The following MYRFL variants were observed in gnomAD, a reference collection of about 807,000 sequenced individuals.
MYRFL encodes myelin regulatory factor like, also known as myelin regulatory factor-like protein.
In MYRFL, 88 loss-of-function variants were observed where a neutral mutation model predicts 109.4. The ratio of observed to expected loss-of-function variants is 0.80; its 90% CI spans 0.68 to 0.96. The LOEUF (loss-of-function observed/expected upper bound fraction) is 0.96. Ranked by LOEUF, MYRFL falls within the 40% of genes least tolerant of loss-of-function variation. The pLI is 0.00. For missense variants in MYRFL, 957 were observed against 954.9 expected, an observed-to-expected ratio of 1.00 and a Z score of -0.03; for synonymous variants, 324 against 320.9, an observed-to-expected ratio of 1.01 and a Z score of -0.10.
At chr12:69,910,428 G>A (rs1954523101) in intron 12 of MYRFL, among the ~76,000 whole-genome samples, 1 of 152,040 alleles carries the variant, frequency 6.6e-6, no homozygotes, top group Admixed American at 6.5e-5. Flanking sequence ...AGGTGGCAGG[G>A]TAAGTGGATC....
At chr12:69,905,966 G>A (rs1208103660) in intron 11 of MYRFL, among the ~76,000 whole-genome samples, 1 of 152,112 alleles carries the variant, frequency 6.6e-6, no homozygotes, top group Non-Finnish European at 1.5e-5. Flanking sequence ...ATACTCTGGG[G>A]ATCTGACCCT....
chr12:69,866,734 T>G (rs1048571841), intron 2 of MYRFL, among the ~76,000 whole-genome samples: 6 of 152,168 alleles, frequency 3.9e-5, no homozygotes, highest in African/African-American at 1.4e-4. Context: ...ATAGGCAGAT[T>G]TTCAGATCTT....
chr12:69,829,247 C>T (rs1882472163), intron 1 of MYRFL, among the ~76,000 whole-genome samples: 1 of 152,028 alleles, frequency 6.6e-6, no homozygotes, highest in African/African-American at 2.4e-5. Flanking sequence ...ATTTTCTGCC[C>T]CTGTCTCGCT....
intron 21 of MYRFL, among the ~76,000 whole-genome samples, chr12:69,954,856 T>C (rs1956059383): frequency 6.6e-6 from 1 of 152,250 alleles, no homozygotes; most frequent in Non-Finnish European, 1.5e-5. Context: ...TCTTCTCCAT[T>C]ACTAAATGGT....
chr12:69,832,335 C>G (rs761652549), intron 1 of MYRFL, among the ~76,000 whole-genome samples: 1 of 152,176 alleles, frequency 6.6e-6, no homozygotes, highest in Non-Finnish European at 1.5e-5. Flanking sequence ...GACTGTCTCT[C>G]ATGAGCCTGC....
At chr12:69,908,136 C>T (rs905892213) in intron 11 of MYRFL, among the ~76,000 whole-genome samples, 5 of 152,152 alleles carry the variant, frequency 3.3e-5, no homozygotes, top group African/African-American at 4.8e-5. Context: ...CTTTCCCTAA[C>T]GCTTTAAGTT....
chr12:69,926,276 A>G (rs1436457920), intron 13 of MYRFL, among the ~76,000 whole-genome samples: 1 of 152,018 alleles, frequency 6.6e-6, no homozygotes, highest in East Asian at 1.9e-4. Context: ...GCCATTGAAA[A>G]TAAATCTTTC....
At chr12:69,899,761 G>C (rs953991854) in intron 10 of MYRFL, among the ~76,000 whole-genome samples, 1 of 152,164 alleles carries the variant, frequency 6.6e-6, no homozygotes, top group Non-Finnish European at 1.5e-5. Context: ...CTTGGAGAGA[G>C]AATGGTGGGC....
chr12:69,927,098 C>G, intron 14 of MYRFL, among the ~76,000 whole-genome samples: 1 of 151,822 alleles, frequency 6.6e-6, no homozygotes, highest in Non-Finnish European at 1.5e-5. Context: ...GTGCCCGCCA[C>G]CATGCCCGGC....
chr12:69,888,670 A>G (rs1252268923), intron 6 of MYRFL, among the ~76,000 whole-genome samples: 1 of 152,194 alleles, frequency 6.6e-6, no homozygotes, highest in Non-Finnish European at 1.5e-5. Context: ...CCTAAATTTC[A>G]GCCTAACGCT....
chr12:69,936,017 G>A, intron 16 of MYRFL, 96 bp from the exon 17 acceptor site: 2 of 1,382,274 alleles, frequency 1.4e-6, no homozygotes, highest in Non-Finnish European at 1.9e-6. Flanking sequence ...TGGCCTGTGA[G>A]AGTACATCTC....
In MYRFL at chr12:69,897,141, C is replaced by A; in HGVS notation, c.1092-15C>A. The stretch of plus-strand genomic sequence containing the variant: ...TTCCTGATGCATTGGCATTGGTCTG[C>A]TGTCTCTGAATTAGATACTTCATGT... On this transcript the variant is annotated splice_polypyrimidine_tract_variant and intron_variant, in intron 9 of 24. Transcript: ENST00000552032. 1 of 1,522,072 alleles carries A rather than the reference C, an allele frequency of 6.6e-7. No homozygotes were observed. Among genetic ancestry groups the A allele is most frequent in the Non-Finnish European group, 8.8e-7 (1 of 1,134,318 alleles). The allele number at this position is 1,522,072 out of a possible 1,614,324, so 94.3% of individuals were successfully genotyped here. A position where few individuals can be genotyped will look rare whatever the true frequency, so the allele number is the denominator to read the frequency against.
intron 12 of MYRFL, 46 bp downstream of exon 12, chr12:69,910,123 A>C (rs1378194876): frequency 7.9e-7 from 1 of 1,259,614 alleles, no homozygotes; most frequent in Non-Finnish European, 1.1e-6. Context: ...CCAACTATTA[A>C]AATTTTAATT....
intron 1 of MYRFL, among the ~76,000 whole-genome samples, chr12:69,829,754 TA>T (rs913159129): frequency 1.3e-5 from 2 of 152,130 alleles, no homozygotes; most frequent in African/African-American, 2.4e-5. Flanking sequence ...TTAGCAGAGA[TA>T]AAATGATAAA....
Position 69,936,478 on chromosome 12 carries a change from A to G in MYRFL, c.2070A>G (p.Thr690=). The G allele has an allele frequency of 6.5e-7, 1 of 1,535,836 alleles. No individual in the cohort carries two copies. The highest frequency in any genetic ancestry group is 8.7e-7 in the Non-Finnish European group (1 of 1,146,790). Residue 690 remains threonine, a synonymous_variant, in exon 19 of 25, where the codon ACA becomes ACG. Coordinates refer to ENST00000552032, the MANE Select transcript of MYRFL (RefSeq NM_182530.3). ...CACCTAATACATCCCTGGTAACCAC[A>G]CCGGCCTCCTTACAAGTACCTGAAA... is the stretch of plus-strand genomic sequence containing the variant. ...SSAPNTSLVT[T]PASLQVPEIT...
At chr12:69,926,813 G>A (rs1276053862) in intron 14 of MYRFL, 79 bp downstream of exon 14, 1 of 1,222,850 alleles carries the variant, frequency 8.2e-7, no homozygotes, top group Non-Finnish European at 1.0e-6. Flanking sequence ...CAATCTAAAT[G>A]GTCTTTTTGA....
chr12:69,956,132 T>C (rs1381801675), intron 22 of MYRFL, among the ~76,000 whole-genome samples: 1 of 152,054 alleles, frequency 6.6e-6, no homozygotes, highest in African/African-American at 2.4e-5. Context: ...TTGGTTTTTT[T>C]TTCTTAGTTT....
chr12:69,938,490 G>T (rs1390909387), intron 19 of MYRFL, among the ~76,000 whole-genome samples: 1 of 152,132 alleles, frequency 6.6e-6, no homozygotes, highest in African/African-American at 2.4e-5. Context: ...GCCACATAAT[G>T]ATGTTTCAGT....
intron 2 of MYRFL, among the ~76,000 whole-genome samples, chr12:69,867,036 G>A (rs2136327220): frequency 6.6e-6 from 1 of 152,362 alleles, no homozygotes; most frequent in East Asian, 1.9e-4. Context: ...TATAAGGCAT[G>A]TATGCAGAGC....
Sources: allele counts gnomAD v4.1 joint callset (sites outside exome capture counted in the v4.1 genomes callset), GRCh38; gene constraint gnomAD v4.1.1; transcripts MANE v1.5; gene names NCBI Gene and HGNC (gene_info 2026-07-23, HGNC 2026-07-21).